The following PARP15 variants were observed in gnomAD, a reference collection of about 807,000 sequenced individuals.
PARP15 encodes protein mono-ADP-ribosyltransferase PARP15.
A neutral mutation model predicts 62.1 loss-of-function variants in PARP15; 50 were observed. The observed-to-expected ratio is 0.81, with a 90% CI of 0.64 to 1.02. The LOEUF (loss-of-function observed/expected upper bound fraction) is 1.02. PARP15 is among the 50% of genes least tolerant of loss of function. PARP15 has a pLI of 0.00. For synonymous variants in PARP15, 309 were observed against 293.1 expected, an observed-to-expected ratio of 1.05 and a Z score of -0.55; for missense variants, 820 against 826.5, an observed-to-expected ratio of 0.99 and a Z score of 0.10.
rs560529655 is a variant in PARP15, at chr3:122,635,156, A to G, written c.1709A>G (p.Asn570Ser). The change falls in exon 11 of 12, where the codon AAT becomes AGT. Residue 570 changes from asparagine to serine, a missense_variant. Asn to Ser is a conservative substitution (Grantham distance 46, BLOSUM62 1). Coordinates refer to ENST00000464300, the MANE Select transcript of PARP15 (RefSeq NM_001113523.3). Reference protein sequence around the residue: ...GTDADSVPYVNQHGFNRSCAG... With the variant: ...GTDADSVPYVSQHGFNRSCAG... ...GATGCAGACTCAGTGCCATATGTCA[A>G]TCAGCACGGCTTTAATAGAAGTTGT... 13 of 1,613,918 alleles carry G rather than the reference A, an allele frequency of 8.1e-6. No individual in the cohort carries two copies. The highest frequency in any genetic ancestry group is 4.0e-5 in the African/African-American group (3 of 74,932).
At chr3:122,586,830 A>G (rs1460511343) in intron 1 of PARP15, among the ~76,000 whole-genome samples, 1 of 151,890 alleles carries the variant, frequency 6.6e-6, no homozygotes, top group African/African-American at 2.4e-5. Context: ...CCTAGTTTAT[A>G]TTTGGGTTCA....
intron 8 of PARP15, among the ~76,000 whole-genome samples, chr3:122,624,302 C>A (rs78341402): frequency 6.6e-6 from 1 of 152,114 alleles, no homozygotes; most frequent in African/African-American, 2.4e-5. Flanking sequence ...CCTTACTGTA[C>A]GTTCTAGGTG....
chr3:122,585,595 T>G (rs9827053), intron 1 of PARP15, among the ~76,000 whole-genome samples: 66,944 of 152,072 alleles, frequency 0.44, 15,415 homozygotes, highest in Non-Finnish European at 0.52. Flanking sequence ...ACTTGGGTGT[T>G]CAGCTACGTG....
intron 1 of PARP15, among the ~76,000 whole-genome samples, chr3:122,587,811 A>G (rs990024236): frequency 6.6e-6 from 1 of 152,194 alleles, no homozygotes; most frequent in African/African-American, 2.4e-5. Context: ...GGTGTGAGCC[A>G]CTTCACCCTG....
intron 1 of PARP15, among the ~76,000 whole-genome samples, chr3:122,579,293 A>G (rs1199600706): frequency 2.0e-5 from 3 of 151,984 alleles, no homozygotes; most frequent in Non-Finnish European, 4.4e-5. Flanking sequence ...CTCATTCGCT[A>G]TGTTGTCTAT....
chr3:122,610,506 G>A lies in PARP15; in HGVS notation c.319G>A (p.Val107Ile). ...TATTTTCGTTAAGGCCGATGTCATTGTCAACAGCGTTCCCATGAATCTTCA... is the reference window on the plus strand; with the variant it reads ...TATTTTCGTTAAGGCCGATGTCATTATCAACAGCGTTCCCATGAATCTTCA... ...DVLYIWADVI[V>I]NSVPMNLQLG... The change falls in exon 3 of 12, where the codon GTC (valine) becomes ATC (isoleucine). Residue 107 changes from valine to isoleucine, a missense_variant. Transcript: ENST00000464300. 1 of 1,551,324 alleles carries A rather than the reference G, an allele frequency of 6.4e-7. No individual in the cohort carries two copies. The highest frequency in any genetic ancestry group is 8.7e-7 in the Non-Finnish European group (1 of 1,146,892).
intron 1 of PARP15, among the ~76,000 whole-genome samples, chr3:122,587,250 A>G (rs894834274): frequency 1.3e-5 from 2 of 152,252 alleles, no homozygotes; most frequent in Admixed American, 6.5e-5. Flanking sequence ...TAAAGCTGCT[A>G]TAAATATTTA....
rs1250654563 is a variant in PARP15 at position 122,636,072 on chromosome 3, C to T, written c.2009C>T (p.Pro670Leu). 1.2e-6 allele frequency: 2 copies of T among 1,612,072 alleles called. No homozygotes were observed. The change falls in exon 12 of 12, where the codon CCA (proline) becomes CTA (leucine). Residue 670 changes from proline to leucine, a missense_variant. Coordinates refer to ENST00000464300, the MANE Select transcript of PARP15 (RefSeq NM_001113523.3). Reference sequence around the variant, plus strand: ...GTATTCTTTGATAATCAGGCTTACCCAGAATATCTCATAACTTTCACGGCT... The same window carrying T: ...GTATTCTTTGATAATCAGGCTTACCTAGAATATCTCATAACTTTCACGGCT... ...FVVFFDNQAY[P>L]EYLITFTA
chr3:122,592,212 T>A (rs886548209), intron 1 of PARP15, among the ~76,000 whole-genome samples: 8 of 152,120 alleles, frequency 5.3e-5, no homozygotes, highest in Non-Finnish European at 7.3e-5. Context: ...GATGATAGAC[T>A]GAATAAAGAA....
intron 2 of PARP15, among the ~76,000 whole-genome samples, chr3:122,609,064 C>T (rs1337366509): frequency 1.3e-5 from 2 of 152,018 alleles, no homozygotes; most frequent in Non-Finnish European, 2.9e-5. Flanking sequence ...TATTTTTTTA[C>T]ATGTTAATAT....
intron 4 of PARP15, 46 bp from the exon 5 acceptor site, chr3:122,615,733 A>G (rs748404204): frequency 3.1e-6 from 5 of 1,606,494 alleles, no homozygotes; most frequent in Non-Finnish European, 4.3e-6. Flanking sequence ...TTGGATTAAT[A>G]TTTTTACACA....
At chr3:122,603,560 T>C (rs1448451795) in intron 1 of PARP15, among the ~76,000 whole-genome samples, 1 of 152,194 alleles carries the variant, frequency 6.6e-6, no homozygotes, top group Non-Finnish European at 1.5e-5. Flanking sequence ...GTCTGGAGGA[T>C]GTGAAGAGTT....
intron 1 of PARP15, among the ~76,000 whole-genome samples, chr3:122,599,085 C>T (rs912128657): frequency 6.6e-6 from 1 of 152,078 alleles, no homozygotes; most frequent in Non-Finnish European, 1.5e-5. Flanking sequence ...TTAGTAGAGA[C>T]AGGGTTTCAC....
chr3:122,621,689 A>C (rs559535675), intron 8 of PARP15, 78 bp downstream of exon 8: 1 of 1,281,056 alleles, frequency 7.8e-7, no homozygotes, highest in East Asian at 2.7e-5. Context: ...TAAGCAGATC[A>C]GTGCTGAATC....
At chr3:122,596,552 A>G (rs1326858626) in intron 1 of PARP15, among the ~76,000 whole-genome samples, 1 of 151,836 alleles carries the variant, frequency 6.6e-6, no homozygotes, top group Non-Finnish European at 1.5e-5. Context: ...CATATCCTCT[A>G]TTTTCCTTTG....
At chr3:122,592,005 G>A (rs561607780) in intron 1 of PARP15, among the ~76,000 whole-genome samples, 20 of 152,284 alleles carry the variant, frequency 1.3e-4, no homozygotes, top group Admixed American at 1.2e-3. Flanking sequence ...ATGTAAATTA[G>A]TTCAACCATT....
chr3:122,601,036 GTT>G (rs771581231), intron 1 of PARP15, among the ~76,000 whole-genome samples: 12 of 73,028 alleles, frequency 1.6e-4, no homozygotes, highest in African/African-American at 6.6e-4. Context: ...GTCTTTTATG[GTT>G]TTTTTTTTTT....
At position 122,621,581 on chromosome 3, in the gene PARP15, A is replaced by G. The variant is rs748207823; in HGVS notation, c.1201A>G (p.Thr401Ala). The change falls in exon 8 of 12, where the codon ACA (threonine) becomes GCA (alanine). Residue 401 changes from threonine to alanine, a missense_variant. By Grantham distance (58) the Thr-to-Ala change is moderately conservative (BLOSUM62 0). Transcript: ENST00000464300. ...VLEECEQRKY[T>A]SVSLPAIGTG... ...AGAAGAGTGTGAACAGAGGAAGTAC[A>G]CATCGGTTTCCCTTCCAGCCATTGG... is the stretch of plus-strand genomic sequence containing the variant. 8 of 1,601,812 alleles carry G rather than the reference A, an allele frequency of 5.0e-6. No individual in the cohort carries two copies. The highest frequency in any genetic ancestry group is 6.0e-6 in the Non-Finnish European group (7 of 1,176,116).
intron 1 of PARP15, among the ~76,000 whole-genome samples, chr3:122,583,953 G>T (rs1267239064): frequency 6.6e-6 from 1 of 152,126 alleles, no homozygotes; most frequent in Non-Finnish European, 1.5e-5. Context: ...AACTCAGTGA[G>T]GCTTCCAGGC....
Sources: gnomAD v4.1 joint callset for allele counts (sites outside exome capture counted in the v4.1 genomes callset) on GRCh38, gnomAD v4.1.1 for gene constraint, MANE v1.5 for transcripts, NCBI Gene and HGNC (gene_info 2026-07-23, HGNC 2026-07-21) for gene names.